Variants in OTOGL observed in about 807,000 individuals in gnomAD.
The protein encoded by OTOGL is otogelin-like protein.
OTOGL carries 285 observed loss-of-function variants against 318.5 expected under a neutral mutation model. The ratio of observed to expected loss-of-function variants is 0.89; its 90% CI spans 0.81 to 0.99. The LOEUF (loss-of-function observed/expected upper bound fraction) is 0.99, where lower values mean the gene tolerates loss of function less well. OTOGL is among the 50% of genes least tolerant of loss of function. The probability of loss-of-function intolerance (pLI) is 0.00; values close to 1 mark genes in which losing one functional copy is unlikely to be tolerated. For synonymous variants in OTOGL, 987 were observed against 936.5 expected (o/e 1.05, Z -0.99); for missense variants, 2,899 against 2,845.6 (o/e 1.02, Z -0.43).
intron 1 of OTOGL, among the ~76,000 whole-genome samples, chr12:80,140,263 C>T (rs902999460): frequency 2.0e-5 from 3 of 152,138 alleles, no homozygotes; most frequent in Admixed American, 2.0e-4. Flanking sequence ...TACCAACAAC[C>T]GCCTTTATTT....
At chr12:80,345,809 C>T (rs1214299832) in intron 44 of OTOGL, among the ~76,000 whole-genome samples, 3 of 152,006 alleles carry the variant, frequency 2.0e-5, no homozygotes, top group African/African-American at 7.3e-5. Flanking sequence ...GATGTGTTTC[C>T]TTGAGAAACT....
In OTOGL at chr12:80,198,361, C is replaced by T. The variant is rs373544611; in HGVS notation, c.-19-11052C>T. Among the ~76,000 whole-genome samples the T allele has an allele frequency of 3.3e-3, 509 of 152,106 alleles. 3 individuals carry two copies. The highest frequency in any genetic ancestry group is 0.01 in the African/African-American group (432 of 41,498). On this transcript the variant is annotated intron_variant, in intron 1 of 58. Coordinates refer to ENST00000547103, the MANE Select transcript of OTOGL (RefSeq NM_001378609.3). The stretch of plus-strand genomic sequence containing the variant: ...CCAGCATTTGGGGGGCCGAGGCAGG[C>T]GGATCATGAGGTCAGGAGATTGAGA...
Position 80,251,779 on chromosome 12 carries a change from G to A in OTOGL, c.1139G>A (p.Arg380Lys), listed in dbSNP as rs1405369636. Residue 380 changes from arginine to lysine, a missense_variant, in exon 12 of 59, where the codon AGA becomes AAA. Around this residue, in one of 3 missense-constraint regions of OTOGL, gnomAD observed 2,607 missense variants for 2,524.9 expected, o/e 1.03. Transcript: ENST00000547103. ...GCTGGCTACCCTATTCAAGACTGGA[G>A]AGATGACTTTCCAGCATGCAGTATG... is the stretch of plus-strand genomic sequence containing the variant. ...SHAGYPIQDW[R>K]DDFPACTDKC... The A allele has an allele frequency of 7.6e-6, 12 of 1,583,626 alleles. No homozygotes were observed. The highest frequency in any genetic ancestry group is 1.8e-5 in the Admixed American group (1 of 55,680).
intron 42 of OTOGL, among the ~76,000 whole-genome samples, chr12:80,338,265 G>A (rs1441726772): frequency 6.6e-6 from 1 of 151,934 alleles, no homozygotes; most frequent in African/African-American, 2.4e-5. Context: ...GTTTGTAGTC[G>A]GATCAAACAG....
intron 1 of OTOGL, among the ~76,000 whole-genome samples, chr12:80,207,371 TG>T (rs1475789448): frequency 6.6e-6 from 1 of 152,048 alleles, no homozygotes; most frequent in African/African-American, 2.4e-5. Context: ...CCAGCTATTT[TG>T]TTTTGTATTT....
At chr12:80,251,619 G>C in intron 11 of OTOGL, 74 bp from the exon 12 acceptor site, 2 of 1,143,874 alleles carry the variant, frequency 1.7e-6, no homozygotes, top group Non-Finnish European at 2.5e-6. Flanking sequence ...GCATTTCTAG[G>C]GATCAGGACC....
chr12:80,277,295 ATCTT>A (rs983469572), intron 24 of OTOGL, among the ~76,000 whole-genome samples: 11 of 146,976 alleles, frequency 7.5e-5, no homozygotes, highest in East Asian at 5.9e-4. Flanking sequence ...CTAGAAAAAA[ATCTT>A]TATTAAAACT....
At chr12:80,292,473 T>C (rs1451094534) in intron 26 of OTOGL, among the ~76,000 whole-genome samples, 1 of 152,204 alleles carries the variant, frequency 6.6e-6, no homozygotes, top group Non-Finnish European at 1.5e-5. Context: ...CCAGAAGTTT[T>C]CTCTCTAGTC....
chr12:80,105,228 A>G (rs180926581), intron 1 of OTOGL, among the ~76,000 whole-genome samples: 66 of 152,354 alleles, frequency 4.3e-4, no homozygotes, highest in Admixed American at 1.5e-3. Flanking sequence ...AACATAAACA[A>G]TAGCAGTAAG....
intron 44 of OTOGL, among the ~76,000 whole-genome samples, chr12:80,343,159 C>T (rs1218212628): frequency 2.0e-5 from 3 of 152,098 alleles, no homozygotes; most frequent in African/African-American, 7.2e-5. Flanking sequence ...AGGAGTGAGC[C>T]ACCGTGCCCG....
At chr12:80,327,618 A>T (rs1156343086) in intron 35 of OTOGL, among the ~76,000 whole-genome samples, 7 of 151,680 alleles carry the variant, frequency 4.6e-5, no homozygotes, top group Admixed American at 2.0e-4. Flanking sequence ...CAAGGCAATG[A>T]TAGTGTCAAA....
chr12:80,254,980 C>G, intron 15 of OTOGL, 60 bp from the exon 16 acceptor site: 1 of 1,308,438 alleles, frequency 7.6e-7, no homozygotes, highest in Non-Finnish European at 1.0e-6. Flanking sequence ...ATCCTCCTCT[C>G]TCTCCTCCTC....
intron 1 of OTOGL, among the ~76,000 whole-genome samples, chr12:80,105,562 C>A (rs1001619907): frequency 2.6e-5 from 4 of 152,112 alleles, no homozygotes; most frequent in Admixed American, 1.3e-4. Flanking sequence ...CTAATTAAGA[C>A]CCTTTTCACC....
At chr12:80,295,797 A>G (rs984188342) in intron 26 of OTOGL, among the ~76,000 whole-genome samples, 10 of 152,332 alleles carry the variant, frequency 6.6e-5, no homozygotes, top group Non-Finnish European at 1.5e-4. Flanking sequence ...TTATTTAATT[A>G]TTTCACATTA....
rs368433483 is a variant in OTOGL, at chr12:80,327,827, C to T, written c.4200-838C>T. On this transcript the variant is annotated intron_variant, in intron 35 of 58. Coordinates refer to ENST00000547103, the MANE Select transcript of OTOGL (RefSeq NM_001378609.3). ...ACAAAAAATTAGCCGGGTGTGGTGG[C>T]GGGTGCCTGTAGTCCCAGCTACTTG... 1.8e-3 allele frequency among the ~76,000 whole-genome samples: 268 copies of T among 151,074 alleles called. 1 individual carries two copies. The highest frequency in any genetic ancestry group is 6.9e-3 in the Middle Eastern group (2 of 290).
chr12:80,296,224 G>T (rs187978450), intron 26 of OTOGL, among the ~76,000 whole-genome samples: 1 of 152,116 alleles, frequency 6.6e-6, no homozygotes, highest in African/African-American at 2.4e-5. Flanking sequence ...TTAACAAAGC[G>T]ACCTTAGATA....
chr12:80,156,732 T>C (rs963554030), intron 1 of OTOGL, among the ~76,000 whole-genome samples: 2 of 152,156 alleles, frequency 1.3e-5, no homozygotes, highest in African/African-American at 4.8e-5. Context: ...TCCTCCATGA[T>C]TGTAAGGCCT....
chr12:80,124,991 C>G (rs1023760503), intron 1 of OTOGL, among the ~76,000 whole-genome samples: 1 of 152,184 alleles, frequency 6.6e-6, no homozygotes, highest in African/African-American at 2.4e-5. Context: ...CAAACAGGGA[C>G]AATTTGACTT....
intron 1 of OTOGL, among the ~76,000 whole-genome samples, chr12:80,173,229 A>G (rs1277055181): frequency 1.3e-5 from 2 of 152,078 alleles, no homozygotes; most frequent in African/African-American, 4.8e-5. Context: ...AGATAAAGGA[A>G]TGGCTACTCC....
Sources: allele counts gnomAD v4.1 joint callset (sites outside exome capture counted in the v4.1 genomes callset), GRCh38; gene constraint gnomAD v4.1.1; regional missense constraint gnomAD v4.1.1; transcripts MANE v1.5; gene names NCBI Gene and HGNC (gene_info 2026-07-23, HGNC 2026-07-21).